Variants in GPBP1 observed in about 807,000 individuals in gnomAD.
GPBP1 encodes the protein GC-rich promoter binding protein 1.
In GPBP1, 13 loss-of-function variants were observed where a neutral mutation model predicts 56.5. The ratio of observed to expected loss-of-function variants is 0.23; its 90% CI spans 0.15 to 0.37. The LOEUF is 0.37. GPBP1 is among the 10% of genes least tolerant of loss of function. The pLI is 1.00. For missense variants in GPBP1, 477 were observed against 572.3 expected, an observed-to-expected ratio of 0.83 and a Z score of 1.70; for synonymous variants, 204 against 188.9, an observed-to-expected ratio of 1.08 and a Z score of -0.66.
At chr5:57,223,520 C>A (rs1250560385) in intron 3 of GPBP1, among the ~76,000 whole-genome samples, 3 of 152,186 alleles carry the variant, frequency 2.0e-5, no homozygotes, top group Admixed American at 6.6e-5. Flanking sequence ...TCAATATAAT[C>A]AATGGACATT....
intron 2 of GPBP1, among the ~76,000 whole-genome samples, chr5:57,184,063 C>G (rs1196968578): frequency 6.6e-6 from 1 of 152,030 alleles, no homozygotes; most frequent in East Asian, 1.9e-4. Flanking sequence ...GAAACCCTGT[C>G]TTTACTAAAA....
At chr5:57,220,407 T>G (rs1044244827) in intron 3 of GPBP1, among the ~76,000 whole-genome samples, 13 of 152,140 alleles carry the variant, frequency 8.5e-5, no homozygotes, top group African/African-American at 3.1e-4. Flanking sequence ...CAGTTCTAAA[T>G]TCTGAATTCT....
chr5:57,256,961 T>C (rs992080941), intron 10 of GPBP1, among the ~76,000 whole-genome samples: 2 of 152,194 alleles, frequency 1.3e-5, no homozygotes, highest in Admixed American at 6.5e-5. Context: ...GTAAACTTTG[T>C]GACTTCTTAA....
intron 6 of GPBP1, chr5:57,237,164 C>T (rs1425031580): frequency 1.3e-6 from 2 of 1,546,014 alleles, no homozygotes; most frequent in Non-Finnish European, 8.8e-7. Flanking sequence ...TCCCAAGCTC[C>T]TCTCTTAGGT....
intron 2 of GPBP1, among the ~76,000 whole-genome samples, chr5:57,181,301 C>A (rs1207113296): frequency 6.6e-6 from 1 of 152,106 alleles, no homozygotes; most frequent in Non-Finnish European, 1.5e-5. Context: ...CACCACTGCA[C>A]TCCAGCCTGG....
At chr5:57,198,899 A>G (rs1024479224) in intron 2 of GPBP1, among the ~76,000 whole-genome samples, 5 of 152,154 alleles carry the variant, frequency 3.3e-5, no homozygotes, top group Non-Finnish European at 7.3e-5. Context: ...TTATGAATAT[A>G]TTGTTTGCCT....
intron 2 of GPBP1, among the ~76,000 whole-genome samples, chr5:57,204,821 G>T (rs1755161625): frequency 6.6e-6 from 1 of 152,028 alleles, no homozygotes; most frequent in African/African-American, 2.4e-5. Flanking sequence ...TTAATTTTTT[G>T]GGGGAATGAG....
At chr5:57,260,376 A>C (rs1458011262) in intron 10 of GPBP1, among the ~76,000 whole-genome samples, 1 of 152,224 alleles carries the variant, frequency 6.6e-6, no homozygotes, top group Admixed American at 6.5e-5. Flanking sequence ...TATTGTCCCC[A>C]TAAACTTTTC....
chr5:57,218,117 C>T (rs891327559), intron 3 of GPBP1, among the ~76,000 whole-genome samples: 4 of 152,028 alleles, frequency 2.6e-5, no homozygotes, highest in Non-Finnish European at 5.9e-5. Flanking sequence ...CAACACAGAA[C>T]ACTTCTATAA....
chr5:57,242,098 G>A (rs1238578415), intron 6 of GPBP1, among the ~76,000 whole-genome samples: 2 of 152,146 alleles, frequency 1.3e-5, no homozygotes, highest in African/African-American at 2.4e-5. Context: ...ATTATTCAGA[G>A]TTGTTACACA....
chr5:57,251,351 A>G (rs1365000247), intron 10 of GPBP1, among the ~76,000 whole-genome samples: 1 of 152,166 alleles, frequency 6.6e-6, no homozygotes, highest in Admixed American at 6.5e-5. Flanking sequence ...CTAGGCAGCT[A>G]CTATTCTTTC....
rs531643950 is a variant in GPBP1, at chr5:57,204,242, G to T, written c.-57-9832G>T. On this transcript the variant is annotated intron_variant, in intron 2 of 11. Transcript: ENST00000506184. Reference sequence around the variant, plus strand: ...ATAGAATAAACATGTTTTACAGCTTGTTTTTTTTGTTTTGTCTTGTTTTTT... The same window carrying T: ...ATAGAATAAACATGTTTTACAGCTTTTTTTTTTTGTTTTGTCTTGTTTTTT... 7.3e-5 allele frequency among the ~76,000 whole-genome samples: 11 copies of T among 151,696 alleles called. No homozygotes were observed. The South Asian group carries it at 2.3e-3, about 32-fold the overall frequency.
chr5:57,193,808 C>G (rs1019256477), intron 2 of GPBP1, among the ~76,000 whole-genome samples: 1 of 151,632 alleles, frequency 6.6e-6, no homozygotes, highest in African/African-American at 2.4e-5. Flanking sequence ...AAAAACAAAA[C>G]AGTTTATTCA....
intron 9 of GPBP1, among the ~76,000 whole-genome samples, chr5:57,250,388 C>T (rs867654608): frequency 1.3e-5 from 2 of 152,072 alleles, no homozygotes; most frequent in Non-Finnish European, 2.9e-5. Flanking sequence ...TTTATATCTG[C>T]TCTCTTTTGC....
intron 10 of GPBP1, among the ~76,000 whole-genome samples, chr5:57,258,711 G>A (rs1741769337): frequency 1.3e-5 from 2 of 152,072 alleles, no homozygotes; most frequent in South Asian, 4.1e-4. Flanking sequence ...TAACTCCTGG[G>A]CTCAAGTGAT....
intron 3 of GPBP1, among the ~76,000 whole-genome samples, chr5:57,227,347 A>G (rs1319892023): frequency 6.6e-6 from 1 of 152,046 alleles, no homozygotes; most frequent in Non-Finnish European, 1.5e-5. Context: ...GATTACAGGC[A>G]TGAGCCACCA....
chr5:57,192,054 A>G (rs1754550630), intron 2 of GPBP1, among the ~76,000 whole-genome samples: 1 of 152,164 alleles, frequency 6.6e-6, no homozygotes, highest in Admixed American at 6.5e-5. Context: ...CTTCTATGTA[A>G]GAAAAACATG....
At chr5:57,219,233 G>A (rs1466475989) in intron 3 of GPBP1, among the ~76,000 whole-genome samples, 1 of 151,288 alleles carries the variant, frequency 6.6e-6, no homozygotes, top group Non-Finnish European at 1.5e-5. Context: ...AAAATTAGCC[G>A]GGTATGGTGG....
At chr5:57,245,095 A>G (rs952015703) in intron 6 of GPBP1, among the ~76,000 whole-genome samples, 1 of 152,154 alleles carries the variant, frequency 6.6e-6, no homozygotes, top group Non-Finnish European at 1.5e-5. Context: ...CAGAAAAGCT[A>G]TACTTTGGTA....
Sources: allele counts gnomAD v4.1 joint callset (sites outside exome capture counted in the v4.1 genomes callset), GRCh38; gene constraint gnomAD v4.1.1; transcripts MANE v1.5; gene names NCBI Gene and HGNC (gene_info 2026-07-23, HGNC 2026-07-21).